Variants in LRIG3 observed in about 807,000 individuals in gnomAD.
LRIG3 encodes the protein leucine-rich repeats and immunoglobulin-like domains protein 3.
In LRIG3, 76 loss-of-function variants were observed where a neutral mutation model predicts 114.5. The observed-to-expected ratio is 0.66, with a 90% CI of 0.55 to 0.80. The LOEUF is 0.80. Among genes scored for constraint, LRIG3 ranks in the 30% least tolerant of loss-of-function variants. The pLI is 0.00. For synonymous variants in LRIG3, 512 were observed against 519.8 expected, an observed-to-expected ratio of 0.98 and a Z score of 0.20; for missense variants, 1,239 against 1,382.8, an observed-to-expected ratio of 0.90 and a Z score of 1.65.
intron 4 of LRIG3, 145 bp from the exon 5 acceptor site, chr12:58,890,284 A>T (rs1314501092): frequency 2.3e-6 from 2 of 879,016 alleles, no homozygotes; most frequent in East Asian, 2.7e-5. Flanking sequence ...TCAAGGACAG[A>T]TGTTAAGATT....
chr12:58,883,015 CT>C lies in LRIG3; in HGVS notation c.1333del (p.Ser445AlafsTer8). On this transcript the variant is annotated frameshift_variant, in exon 12 of 19. Coordinates refer to ENST00000320743, the MANE Select transcript of LRIG3 (RefSeq NM_153377.5). LOFTEE classifies it high-confidence loss of function. ...TTTTAGCTGGCAATCGCACAAAAGG[CT>C]TGATGTATTTAAATGCCTGAGGAGA... ...KLQQLHLNTS[S>X]LLCDCQLKWL... is the part of the protein sequence containing the mutation. The C allele has an allele frequency of 1.2e-6, 2 of 1,613,122 alleles. No individual in the cohort carries two copies. The highest frequency in any genetic ancestry group is 1.7e-6 in the Non-Finnish European group (2 of 1,179,532).
rs958519790 is a variant in LRIG3, at chr12:58,876,477, G to C, written c.2663C>G (p.Ala888Gly). 1.2e-6 allele frequency: 2 copies of C among 1,614,064 alleles called. No individual in the cohort carries two copies. Among genetic ancestry groups the C allele is most frequent in the Admixed American group, 3.3e-5 (2 of 60,010 alleles). The change falls in exon 16 of 19, where the codon GCT becomes GGT. Residue 888 changes from alanine (A) to glycine (G), a missense_variant. By Grantham distance (60) the Ala-to-Gly change is moderately conservative. Coordinates refer to ENST00000320743, the MANE Select transcript of LRIG3 (RefSeq NM_153377.5). ...GTCATGTTGTGGTAAGAAAAATCCAGCACCTGAAGATGTGACAAACTGGTG... is the reference window on the plus strand; with the variant it reads ...GTCATGTTGTGGTAAGAAAAATCCACCACCTGAAGATGTGACAAACTGGTG... The part of the protein sequence containing the change: ...SHHQFVTSSG[A>G]GFFLPQHDSS...
intron 3 of LRIG3, among the ~76,000 whole-genome samples, chr12:58,907,154 C>T (rs975630438): frequency 1.3e-5 from 2 of 152,196 alleles, no homozygotes; most frequent in African/African-American, 4.8e-5. Flanking sequence ...GCACACTCCA[C>T]GTGTGCTATG....
At chr12:58,905,291 G>C (rs1295108598) in intron 3 of LRIG3, among the ~76,000 whole-genome samples, 1 of 152,140 alleles carries the variant, frequency 6.6e-6, no homozygotes, top group Non-Finnish European at 1.5e-5. Flanking sequence ...TGAATTCTGG[G>C]GGCCAGTTTA....
intron 13 of LRIG3, 136 bp from the exon 14 acceptor site, chr12:58,879,241 A>G: frequency 1.9e-6 from 2 of 1,036,730 alleles, no homozygotes; most frequent in Admixed American, 5.9e-5. Flanking sequence ...GTTAATTCCA[A>G]TTTCAAGTCA....
chr12:58,873,924 C>T lies in LRIG3; in HGVS notation c.3115+131G>A, dbSNP rs568466616. The stretch of plus-strand genomic sequence containing the variant: ...TTTGGAGGCATTTACACTAACTAGT[C>T]GGATGTCATGGCAGCCTCATTCAAG... On this transcript the variant is annotated intron_variant, in intron 18 of 18. Coordinates refer to ENST00000320743, the MANE Select transcript of LRIG3 (RefSeq NM_153377.5). 72 of 1,041,476 alleles carry T rather than the reference C, an allele frequency of 6.9e-5. No individual in the cohort carries two copies. The Middle Eastern group carries it at 8.5e-4, about 12-fold the overall frequency. The allele number at this position is 1,041,476 out of a possible 1,614,324, so 64.5% of individuals were successfully genotyped here. A position where few individuals can be genotyped will look rare whatever the true frequency, so the allele number is the denominator to read the frequency against.
At chr12:58,896,698 C>G (rs1458027457) in intron 3 of LRIG3, among the ~76,000 whole-genome samples, 1 of 152,304 alleles carries the variant, frequency 6.6e-6, no homozygotes, top group East Asian at 1.9e-4. Flanking sequence ...TACCGTCTTT[C>G]CTTAGAATGC....
In LRIG3 at chr12:58,918,689, T is replaced by C. The variant is rs552600585; in HGVS notation, c.236+1311A>G. Among the ~76,000 whole-genome samples the C allele has an allele frequency of 5.9e-5, 9 of 152,340 alleles. No individual in the cohort carries two copies. The South Asian group carries it at 1.7e-3, about 28-fold the overall frequency. The stretch of plus-strand genomic sequence containing the variant: ...GCAGCATGACCTCCACAAGAGGCAA[T>C]TTAACAGAATTAGCCACAACTAATT... On this transcript the variant is annotated intron_variant, in intron 1 of 18. Transcript: ENST00000320743.
intron 3 of LRIG3, among the ~76,000 whole-genome samples, chr12:58,897,955 T>C (rs1344588314): frequency 6.6e-6 from 1 of 152,186 alleles, no homozygotes; most frequent in African/African-American, 2.4e-5. Context: ...TGATTTATCT[T>C]TGGTTCCCCA....
At chr12:58,898,192 TA>T (rs1871711800) in intron 3 of LRIG3, among the ~76,000 whole-genome samples, 1 of 152,198 alleles carries the variant, frequency 6.6e-6, no homozygotes, top group Admixed American at 6.5e-5. Flanking sequence ...TCTGACACAG[TA>T]ACTCAAACTA....
At chr12:58,890,332 G>A (rs147568763) in intron 4 of LRIG3, among the ~76,000 whole-genome samples, 193 bp from the exon 5 acceptor site, 1 of 152,292 alleles carries the variant, frequency 6.6e-6, no homozygotes, top group Non-Finnish European at 1.5e-5. Flanking sequence ...TAAAATATGT[G>A]ACGGATGCAA....
intron 3 of LRIG3, among the ~76,000 whole-genome samples, chr12:58,895,667 T>C (rs1463251018): frequency 6.6e-6 from 1 of 152,024 alleles, no homozygotes; most frequent in African/African-American, 2.4e-5. Context: ...GGATGTCAAA[T>C]GGTGGGGTGA....
intron 16 of LRIG3, 141 bp from the exon 17 acceptor site, chr12:58,874,714 T>A: frequency 1.9e-6 from 2 of 1,044,758 alleles, no homozygotes; most frequent in Non-Finnish European, 2.7e-6. Context: ...AAATTTACAG[T>A]AGGGTTTTAA....
intron 3 of LRIG3, among the ~76,000 whole-genome samples, chr12:58,906,328 C>A (rs1257842378): frequency 2.0e-5 from 3 of 152,044 alleles, no homozygotes; most frequent in Non-Finnish European, 2.9e-5. Context: ...CTAAGAGATA[C>A]CCTCACTTGA....
At chr12:58,883,101 AG>A in intron 11 of LRIG3, 69 bp from the exon 12 acceptor site, 1 of 1,453,252 alleles carries the variant, frequency 6.9e-7, no homozygotes, top group African/African-American at 1.4e-5. Context: ...ACTAAACCCA[AG>A]TAAATATTAA....
chr12:58,882,487 T>C (rs1349314459), intron 12 of LRIG3, among the ~76,000 whole-genome samples: 5 of 152,210 alleles, frequency 3.3e-5, no homozygotes, highest in Non-Finnish European at 5.9e-5. Context: ...ATTTTCTCTT[T>C]CATGTAAACC....
In LRIG3 at chr12:58,880,474, G is replaced by A. The variant is rs184244478; in HGVS notation, c.1801+107C>T. On this transcript the variant is annotated intron_variant, in intron 13 of 18. Coordinates refer to ENST00000320743, the MANE Select transcript of LRIG3 (RefSeq NM_153377.5). ...AGGTAGGGAAAGGAAGAGTCAGGTG[G>A]GGAACTGTGAGAAGAAAAGACAGGG... The A allele has an allele frequency of 1.1e-5, 12 of 1,087,500 alleles. No homozygotes were observed. In the East Asian group the frequency reaches 2.3e-4, roughly 21 times the overall value. The allele number at this position is 1,087,500 out of a possible 1,614,324, so 67.4% of individuals were successfully genotyped here.
intron 10 of LRIG3, 70 bp downstream of exon 10, chr12:58,885,761 C>T: frequency 1.8e-6 from 2 of 1,104,250 alleles, no homozygotes; most frequent in Admixed American, 4.7e-5. Flanking sequence ...TTTGTTTTAT[C>T]TTTCATGACA....
intron 1 of LRIG3, among the ~76,000 whole-genome samples, chr12:58,917,696 A>AAAGAC (rs1872531217): frequency 6.6e-6 from 1 of 152,242 alleles, no homozygotes; most frequent in South Asian, 2.1e-4. Context: ...TCAACAAATG[A>AAAGAC]AACAAAAGAT....
Sources: gnomAD v4.1 joint callset for allele counts (sites outside exome capture counted in the v4.1 genomes callset) on GRCh38, gnomAD v4.1.1 for gene constraint, MANE v1.5 for transcripts, NCBI Gene and HGNC (gene_info 2026-07-23, HGNC 2026-07-21) for gene names.